Variants in DAZ4 observed in about 807,000 individuals in gnomAD.
DAZ4 encodes the protein deleted in azoospermia 4, also known as deleted in azoospermia protein 4.
chrY:24,892,807 A>T (rs2090195413), intron 24 of DAZ4, among the ~76,000 whole-genome samples: 1 of 22,421 alleles, frequency 4.5e-5, no homozygotes, highest in Non-Finnish European at 9.6e-5. Flanking sequence ...ATAAGACATT[A>T]TACTTTCTCT....
At chrY:24,881,041 CA>C (rs2090191314) in intron 20 of DAZ4, among the ~76,000 whole-genome samples, 1 of 23,255 alleles carries the variant, frequency 4.3e-5, no homozygotes, top group Admixed American at 3.8e-4. Flanking sequence ...TCTAGTTATA[CA>C]TTCTTCTACA....
chrY:24,883,381 T>TA (rs2090192543), intron 20 of DAZ4, among the ~76,000 whole-genome samples: 1 of 18,092 alleles, frequency 5.5e-5, no homozygotes, highest in South Asian at 1.9e-3. Context: ...TATTGTCTGA[T>TA]AAAAAACAGT....
chrY:24,876,056 G>T, intron 20 of DAZ4, among the ~76,000 whole-genome samples: 1 of 18,498 alleles, frequency 5.4e-5, no homozygotes, highest in Non-Finnish European at 9.4e-5. Flanking sequence ...CTGTCTTAGT[G>T]GAACCTTATC....
chrY:24,893,132 ATCTT>A (rs2090195867), intron 24 of DAZ4, among the ~76,000 whole-genome samples, 167 bp from the exon 25 acceptor site: 1 of 12,151 alleles, frequency 8.2e-5, no homozygotes, highest in Non-Finnish European at 1.6e-4. Context: ...TTGACATGGA[ATCTT>A]TCTTTCTTCA....
chrY:24,876,129 A>G (rs2124454775), intron 20 of DAZ4, among the ~76,000 whole-genome samples: 1 of 18,523 alleles, frequency 5.4e-5, no homozygotes, highest in Admixed American at 4.2e-4. Flanking sequence ...ACTTTGGTGA[A>G]GTAGTCAATT....
Sources: allele counts gnomAD v4.1 joint callset (sites outside exome capture counted in the v4.1 genomes callset), GRCh38; gene constraint gnomAD v4.1.1; transcripts MANE v1.5; gene names NCBI Gene and HGNC (gene_info 2026-07-23, HGNC 2026-07-21).